The following MX2 variants were observed in gnomAD, a reference collection of about 807,000 sequenced individuals.
The protein encoded by MX2 is MX dynamin like GTPase 2.
MX2 carries 51 observed loss-of-function variants against 74.0 expected under a neutral mutation model. The ratio of observed to expected loss-of-function variants is 0.69; its 90% CI spans 0.55 to 0.87. The LOEUF is 0.87. Among genes scored for constraint, MX2 ranks in the 40% least tolerant of loss-of-function variants. The pLI, the probability that MX2 is intolerant of heterozygous loss-of-function variation, is 0.00. For synonymous variants in MX2, 369 were observed against 339.3 expected, an observed-to-expected ratio of 1.09 and a Z score of -0.96; for missense variants, 832 against 908.7, an observed-to-expected ratio of 0.92 and a Z score of 1.09.
At chr21:41,365,203 A>ATG (rs2089253934) in intron 1 of MX2, 1 of 150,990 alleles carries the variant, frequency 6.6e-6, no homozygotes, top group African/African-American at 2.4e-5. Flanking sequence ...AAACAGGAAA[A>ATG]TTTGTTTGTT....
chr21:41,397,728 A>G (rs2089755000), intron 8 of MX2, 37 bp downstream of exon 8: 2 of 1,562,102 alleles, frequency 1.3e-6, no homozygotes, highest in Non-Finnish European at 1.8e-6. Flanking sequence ...TCATCAATAC[A>G]GCATGCCCAA....
At chr21:41,387,093 G>A (rs571099552) in intron 5 of MX2, among the ~76,000 whole-genome samples, 2 of 152,280 alleles carry the variant, frequency 1.3e-5, no homozygotes, top group East Asian at 1.9e-4. Flanking sequence ...GTCCCACCAC[G>A]CTTTCCCTTC....
intron 7 of MX2, among the ~76,000 whole-genome samples, chr21:41,396,289 T>A (rs1164794265): frequency 6.6e-6 from 1 of 152,246 alleles, no homozygotes; most frequent in Admixed American, 6.5e-5. Flanking sequence ...GAATATCACT[T>A]GTTTTTATTA....
Position 41,402,010 on chromosome 21 carries a change from G to T in MX2, c.1455G>T (p.Lys485Asn). 6.2e-7 allele frequency: 1 copy of T among 1,614,034 alleles called. No homozygotes were observed. ...ACGAAGAAGTTGAAAAATATGAAAA[G>T]CAGTATCGAGGCAAGGAGCTTCTGG... The part of the protein sequence containing the change: ...IIHEEVEKYE[K>N]QYRGKELLGF... The change falls in exon 11 of 14, where the codon AAG becomes AAT. Residue 485 changes from lysine to asparagine, a missense_variant. Transcript: ENST00000330714. The surrounding 1 kb of genome is among the most constrained non-coding windows in gnomAD (Gnocchi z 4.5).
chr21:41,367,060 G>C (rs900996855), intron 1 of MX2: 8 of 152,188 alleles, frequency 5.3e-5, no homozygotes, highest in African/African-American at 1.9e-4. Context: ...AGAACTAAGG[G>C]CCGCTCTGAT....
chr21:41,368,651 G>A lies in MX2; in HGVS notation c.-72+6596G>A, dbSNP rs2089288894. ...GCCCTTCATGAAAATGAGGGTGAGG[G>A]TGAGGGTGGCGACAGTTTTAAATAT... On this transcript the variant is annotated intron_variant, in intron 1 of 13. Transcript: ENST00000330714. This position sits in a 1 kb window ranked among gnomAD's most constrained non-coding sequence, Gnocchi z 4.6. Among the ~76,000 whole-genome samples the A allele has an allele frequency of 6.6e-6, 1 of 152,212 alleles. No individual in the cohort carries two copies. The highest frequency in any genetic ancestry group is 1.5e-5 in the Non-Finnish European group (1 of 68,036).
At chr21:41,398,719 A>G (rs2089767818) in intron 8 of MX2, among the ~76,000 whole-genome samples, 178 bp from the exon 9 acceptor site, 1 of 152,090 alleles carries the variant, frequency 6.6e-6, no homozygotes, top group Non-Finnish European at 1.5e-5. Context: ...TTACAATTAG[A>G]TTCCACCAGT....
chr21:41,374,141 C>G (rs1173703139), intron 1 of MX2: 2 of 152,418 alleles, frequency 1.3e-5, no homozygotes, highest in South Asian at 4.1e-4. Context: ...AGTAATAGTA[C>G]GGAACCCTCC....
chr21:41,378,147 G>C (rs2089435139), intron 3 of MX2, among the ~76,000 whole-genome samples, 166 bp downstream of exon 3: 1 of 149,082 alleles, frequency 6.7e-6, no homozygotes, highest in Non-Finnish European at 1.5e-5. Flanking sequence ...CACTGGGAGA[G>C]ACAGGCCGCT....
At position 41,382,781 on chromosome 21, in the gene MX2, A is replaced by G. The variant is rs2089514865; in HGVS notation, c.732+217A>G. ...GTTGGACTCCAGGGGACTGGCAGGC[A>G]TTTGGGATAGTGTACGCCCTGCCCA... On this transcript the variant is annotated intron_variant, in intron 5 of 13. Coordinates refer to ENST00000330714, the MANE Select transcript of MX2 (RefSeq NM_002463.2). 2.6e-5 allele frequency among the ~76,000 whole-genome samples: 4 copies of G among 152,226 alleles called. No homozygotes were observed. The South Asian group carries it at 8.3e-4, about 31-fold the overall frequency.
At chr21:41,390,343 C>A (rs756167448) in intron 5 of MX2, 7 of 538,292 alleles carry the variant, frequency 1.3e-5, no homozygotes, top group Non-Finnish European at 2.0e-5. Flanking sequence ...GGAAAGAAGA[C>A]ATGCCAGCCG....
At chr21:41,392,847 G>T (rs1006034772) in intron 6 of MX2, among the ~76,000 whole-genome samples, 8 of 152,176 alleles carry the variant, frequency 5.3e-5, no homozygotes, top group African/African-American at 1.9e-4. Context: ...ACTCATGCCT[G>T]CAATCCCAGC....
rs1405522325 is a variant in MX2 at position 41,388,960 on chromosome 21, G to A, written c.733-1605G>A. ...TGGACAGCTTACAATGCCTAGGATG[G>A]CCACCATGGCAGAGTCATCCTTCTG... On this transcript the variant is annotated intron_variant, in intron 5 of 13. Transcript: ENST00000330714. The surrounding 1 kb of genome is among the most constrained non-coding windows in gnomAD (Gnocchi z 4.0). Among the ~76,000 whole-genome samples the A allele has an allele frequency of 2.6e-5, 4 of 152,080 alleles. No individual in the cohort carries two copies. The highest frequency in any genetic ancestry group is 7.2e-5 in the African/African-American group (3 of 41,396).
At chr21:41,393,021 G>A (rs9305743) in intron 6 of MX2, among the ~76,000 whole-genome samples, 13,472 of 147,626 alleles carry the variant, frequency 0.091, 781 homozygotes, top group South Asian at 0.19. Flanking sequence ...CACGAGAATC[G>A]CTTGAACCTG....
Position 41,402,552 on chromosome 21 carries a change from G to C in MX2, c.1573+424G>C, listed in dbSNP as rs1209377193. 3 of 172,628 alleles carry C rather than the reference G, an allele frequency of 1.7e-5. No individual in the cohort carries two copies. Among genetic ancestry groups the C allele is most frequent in the African/African-American group, 7.1e-5 (3 of 42,138 alleles). 10.7% of individuals were successfully genotyped at this position (172,628 alleles called of 1,614,324 possible). On this transcript the variant is annotated intron_variant, in intron 11 of 13. Coordinates refer to ENST00000330714, the MANE Select transcript of MX2 (RefSeq NM_002463.2). This position sits in a 1 kb window ranked among gnomAD's most constrained non-coding sequence, Gnocchi z 4.5. The stretch of plus-strand genomic sequence containing the variant: ...GCGGTCCCCAGTCTTTATGGCACCA[G>C]AGACTGCTTTCATGGAAGACAATTT...
chr21:41,379,753 G>T (rs2089462670), intron 3 of MX2, among the ~76,000 whole-genome samples: 1 of 152,246 alleles, frequency 6.6e-6, no homozygotes, highest in Non-Finnish European at 1.5e-5. Context: ...GAGGACTGTG[G>T]CTATAGCCAC....
At chr21:41,381,853 A>G (rs1601406650) in intron 4 of MX2, among the ~76,000 whole-genome samples, 1 of 152,124 alleles carries the variant, frequency 6.6e-6, no homozygotes, top group East Asian at 1.9e-4. Context: ...AGGAGGCCAT[A>G]CTTCCTTACC....
chr21:41,402,157 C>A lies in MX2; in HGVS notation c.1573+29C>A. 6.2e-7 allele frequency: 1 copy of A among 1,603,146 alleles called. No homozygotes were observed. Among genetic ancestry groups the A allele is most frequent in the Non-Finnish European group, 8.5e-7 (1 of 1,174,998 alleles). ...AGGACTTTCAAGCAGGACTCCCAAA[C>A]CATCACTCTCATACCTTCCATAGAC... On this transcript the variant is annotated intron_variant, in intron 11 of 13. Transcript: ENST00000330714. The surrounding 1 kb of genome is among the most constrained non-coding windows in gnomAD (Gnocchi z 4.5).
chr21:41,399,679 C>T (rs558951539), intron 10 of MX2: 6 of 207,794 alleles, frequency 2.9e-5, no homozygotes, highest in African/African-American at 9.1e-5. Flanking sequence ...GATCCTCCCA[C>T]CTCAGCCTCC....
Sources: gnomAD v4.1 joint callset for allele counts (sites outside exome capture counted in the v4.1 genomes callset) on GRCh38, gnomAD v4.1.1 for gene constraint, Gnocchi (gnomAD v3.1) non-coding constraint, MANE v1.5 for transcripts, NCBI Gene and HGNC (gene_info 2026-07-23, HGNC 2026-07-21) for gene names.